Variants in CMTM8 observed in about 807,000 individuals in gnomAD.
The protein encoded by CMTM8 is CKLF like MARVEL transmembrane domain containing 8.
Under a neutral mutation model 18.6 loss-of-function variants are expected in CMTM8, and 12 were observed. That is an observed-to-expected ratio of 0.65 (90% CI 0.41 to 1.05). CMTM8 has a LOEUF of 1.05. Among genes scored for constraint, CMTM8 ranks in the 50% least tolerant of loss-of-function variants. CMTM8 has a pLI of 0.00. For synonymous variants in CMTM8, 87 were observed against 90.6 expected, an observed-to-expected ratio of 0.96 and a Z score of 0.23; for missense variants, 217 against 227.2, an observed-to-expected ratio of 0.95 and a Z score of 0.29.
intron 1 of CMTM8, among the ~76,000 whole-genome samples, chr3:32,274,868 G>C (rs1702492296): frequency 6.6e-6 from 1 of 152,136 alleles, no homozygotes; most frequent in South Asian, 2.1e-4. Flanking sequence ...ATGTGTGTGT[G>C]GTGTTTCCTC....
At chr3:32,313,823 C>T (rs1229508355) in intron 1 of CMTM8, among the ~76,000 whole-genome samples, 1 of 152,084 alleles carries the variant, frequency 6.6e-6, no homozygotes, top group Non-Finnish European at 1.5e-5. Context: ...AGAAAAAAAC[C>T]ATGTTCTTGT....
intron 1 of CMTM8, among the ~76,000 whole-genome samples, chr3:32,253,801 C>G (rs972056253): frequency 1.3e-5 from 2 of 152,170 alleles, no homozygotes; most frequent in Non-Finnish European, 2.9e-5. Flanking sequence ...CAGCTTTGAA[C>G]TAATGACCTC....
At chr3:32,303,534 A>G (rs1053879812) in intron 1 of CMTM8, among the ~76,000 whole-genome samples, 1 of 152,170 alleles carries the variant, frequency 6.6e-6, no homozygotes, top group African/African-American at 2.4e-5. Context: ...GGCAGGAAAT[A>G]CTGTTTGGTT....
chr3:32,245,727 C>T (rs757361516), intron 1 of CMTM8, among the ~76,000 whole-genome samples: 3 of 152,130 alleles, frequency 2.0e-5, no homozygotes, highest in Non-Finnish European at 4.4e-5. Flanking sequence ...CTGTTGAGTT[C>T]CTTTAAAAAA....
At chr3:32,304,478 T>TA (rs899622953) in intron 1 of CMTM8, among the ~76,000 whole-genome samples, 2 of 152,252 alleles carry the variant, frequency 1.3e-5, no homozygotes, top group Admixed American at 6.5e-5. Flanking sequence ...ATTGCTCCTT[T>TA]ATTTGTATAG....
chr3:32,312,716 T>C (rs1695843459), intron 1 of CMTM8, among the ~76,000 whole-genome samples: 1 of 151,820 alleles, frequency 6.6e-6, no homozygotes, highest in Non-Finnish European at 1.5e-5. Context: ...TACCCAGAGG[T>C]TGGGATGTCG....
At chr3:32,298,862 CAT>C (rs1344644771) in intron 1 of CMTM8, among the ~76,000 whole-genome samples, 11 of 140,150 alleles carry the variant, frequency 7.8e-5, no homozygotes, top group African/African-American at 1.6e-4. Context: ...TACACACACA[CAT>C]ATATATACAC....
chr3:32,284,918 G>A (rs1014624400), intron 1 of CMTM8, among the ~76,000 whole-genome samples: 42 of 152,284 alleles, frequency 2.8e-4, no homozygotes, highest in African/African-American at 9.6e-4. Context: ...TGCAGACGCA[G>A]GATTCATGTG....
intron 2 of CMTM8, among the ~76,000 whole-genome samples, chr3:32,361,285 A>AGTTTTTTTTTTGTTTTTTTTTTTT (rs1350130022): frequency 2.1e-4 from 5 of 23,906 alleles, no homozygotes; most frequent in African/African-American, 4.6e-4. Context: ...CCAGCCTAAG[A>AGTTTTTTTTTTGTTTTTTTTTTTT]GTTTTTTTTT....
chr3:32,260,884 T>C (rs2125537269), intron 1 of CMTM8, among the ~76,000 whole-genome samples: 1 of 152,248 alleles, frequency 6.6e-6, no homozygotes, highest in Non-Finnish European at 1.5e-5. Flanking sequence ...TCAGGTTATG[T>C]CTTAGTATTC....
intron 2 of CMTM8, among the ~76,000 whole-genome samples, chr3:32,362,046 C>CTTTTTTTCTTTTT (rs1553608243): frequency 1.1e-5 from 1 of 92,066 alleles, no homozygotes; most frequent in African/African-American, 3.9e-5. Context: ...ATTTTCTTTT[C>CTTTTTTTCTTTTT]TTTTTTTTTT....
rs570377340 is a variant in CMTM8 at position 32,288,614 on chromosome 3, C to T, written c.147+49495C>T. On this transcript the variant is annotated intron_variant, in intron 1 of 3. Coordinates refer to ENST00000307526, the MANE Select transcript of CMTM8 (RefSeq NM_178868.5). ...CTTCCTGGTTCAAACAACTCCCCTG[C>T]CTCAGCCTCCTGAGTAGCTAGGACT... Among the ~76,000 whole-genome samples, 3 of 152,182 alleles carry T rather than the reference C, an allele frequency of 2.0e-5. No individual in the cohort carries two copies. The East Asian group carries it at 5.8e-4, about 29-fold the overall frequency.
At chr3:32,320,958 A>G (rs915184348) in intron 1 of CMTM8, among the ~76,000 whole-genome samples, 1 of 151,304 alleles carries the variant, frequency 6.6e-6, no homozygotes, top group Non-Finnish European at 1.5e-5. Context: ...TTCTCTACCC[A>G]CTCCCCTCAA....
chr3:32,299,794 A>T (rs1481464692), intron 1 of CMTM8, among the ~76,000 whole-genome samples: 1 of 152,318 alleles, frequency 6.6e-6, no homozygotes, highest in Admixed American at 6.5e-5. Context: ...AAGATCATCT[A>T]ATAATCTAGG....
At chr3:32,307,538 T>A (rs1248278241) in intron 1 of CMTM8, among the ~76,000 whole-genome samples, 2 of 152,084 alleles carry the variant, frequency 1.3e-5, no homozygotes, top group African/African-American at 4.8e-5. Context: ...GCATTCAGTA[T>A]AGGAGACTGT....
intron 1 of CMTM8, among the ~76,000 whole-genome samples, chr3:32,274,878 C>T (rs1258382905): frequency 6.6e-6 from 1 of 152,160 alleles, no homozygotes; most frequent in Non-Finnish European, 1.5e-5. Flanking sequence ...GGTGTTTCCT[C>T]ATGAGTAGAT....
intron 1 of CMTM8, among the ~76,000 whole-genome samples, chr3:32,300,957 T>C (rs1429409366): frequency 7.5e-6 from 1 of 134,022 alleles, no homozygotes; most frequent in East Asian, 2.0e-4. Flanking sequence ...TGAAACTCCA[T>C]CTCAAAAAAA....
chr3:32,298,315 AC>A (rs982115224), intron 1 of CMTM8, among the ~76,000 whole-genome samples: 2 of 151,556 alleles, frequency 1.3e-5, no homozygotes, highest in Admixed American at 6.6e-5. Flanking sequence ...CAAGCAATCC[AC>A]CCGCATTGGC....
At chr3:32,351,209 A>T (rs1394915125) in intron 1 of CMTM8, among the ~76,000 whole-genome samples, 2 of 152,190 alleles carry the variant, frequency 1.3e-5, no homozygotes, top group African/African-American at 4.8e-5. Context: ...GACACTGAAG[A>T]CACTGATAAG....
Sources: allele counts gnomAD v4.1 joint callset (sites outside exome capture counted in the v4.1 genomes callset), GRCh38; gene constraint gnomAD v4.1.1; transcripts MANE v1.5; gene names NCBI Gene and HGNC (gene_info 2026-07-23, HGNC 2026-07-21).